Variants in MYO16 observed in about 807,000 individuals in gnomAD.
MYO16 encodes the protein myosin XVI, also known as unconventional myosin-XVI.
MYO16 carries 94 observed loss-of-function variants against 205.3 expected under a neutral mutation model. The ratio of observed to expected loss-of-function variants is 0.46; its 90% CI spans 0.39 to 0.54. The LOEUF (loss-of-function observed/expected upper bound fraction) is 0.54. MYO16 is among the 20% of genes least tolerant of loss of function. MYO16 has a pLI of 0.00. For synonymous variants in MYO16, 988 were observed against 954.0 expected, an observed-to-expected ratio of 1.04 and a Z score of -0.66; for missense variants, 2,315 against 2,387.5, an observed-to-expected ratio of 0.97 and a Z score of 0.63.
chr13:108,817,173 C>T (rs1875666802), intron 7 of MYO16, among the ~76,000 whole-genome samples: 1 of 152,078 alleles, frequency 6.6e-6, no homozygotes, highest in Admixed American at 6.6e-5. Context: ...CCAGATTACC[C>T]AGAATTCTAT....
Position 108,820,368 on chromosome 13 carries a change from A to G in MYO16, c.899A>G (p.Gln300Arg). The G allele has an allele frequency of 6.2e-7, 1 of 1,606,378 alleles. No homozygotes were observed. Among genetic ancestry groups the G allele is most frequent in the Non-Finnish European group, 8.5e-7 (1 of 1,176,114 alleles). The change falls in exon 8 of 35, where the codon CAG (glutamine) becomes CGG (arginine). Residue 300 changes from glutamine to arginine, a missense_variant. Around this residue, in one of 3 missense-constraint regions of MYO16, gnomAD observed 1,213 missense variants for 1,274.4 expected, o/e 0.95. Coordinates refer to ENST00000457511, the MANE Select transcript of MYO16 (RefSeq NM_001198950.3). The stretch of plus-strand genomic sequence containing the variant: ...CTGGTGAAACTTCTCCTGATGCATC[A>G]GGCAAACCCACACCTCGTGAACTGT... ...TNLVKLLLMH[Q>R]ANPHLVNCNE...
intron 3 of MYO16, among the ~76,000 whole-genome samples, chr13:108,722,508 C>G (rs548808999): frequency 1.3e-5 from 2 of 152,152 alleles, no homozygotes; most frequent in Non-Finnish European, 2.9e-5. Context: ...GGGCTGATAT[C>G]ACTTTCAACA....
At chr13:109,002,261 A>G (rs548580012) in intron 21 of MYO16, among the ~76,000 whole-genome samples, 2 of 152,186 alleles carry the variant, frequency 1.3e-5, no homozygotes, top group South Asian at 4.2e-4. Flanking sequence ...TTAATCTCCT[A>G]CTTTAATTCT....
chr13:109,032,463 G>A (rs192696641), intron 23 of MYO16, among the ~76,000 whole-genome samples: 71 of 152,310 alleles, frequency 4.7e-4, no homozygotes, highest in Non-Finnish European at 8.8e-4. Flanking sequence ...GTGAGACAAG[G>A]CAAAGGTGTA....
intron 2 of MYO16, among the ~76,000 whole-genome samples, chr13:108,681,906 T>G (rs144871202): frequency 6.6e-6 from 1 of 152,222 alleles, no homozygotes; most frequent in African/African-American, 2.4e-5. Flanking sequence ...TTTCTCTATG[T>G]TATACTCCAT....
chr13:108,523,954 G>T, the MYO16 span, among the ~76,000 whole-genome samples: 1 of 152,166 alleles, frequency 6.6e-6, no homozygotes, highest in Non-Finnish European at 1.5e-5. Context: ...CATCCTTTTG[G>T]TGCTGTCCTC....
intron 7 of MYO16, among the ~76,000 whole-genome samples, chr13:108,808,801 C>T (rs1887196961): frequency 1.3e-5 from 2 of 152,010 alleles, no homozygotes; most frequent in South Asian, 2.1e-4. Context: ...ATTAAAAAAA[C>T]CCTTTAATGA....
At chr13:108,913,637 C>A (rs1201266996) in intron 16 of MYO16, among the ~76,000 whole-genome samples, 1 of 152,114 alleles carries the variant, frequency 6.6e-6, no homozygotes, top group Non-Finnish European at 1.5e-5. Flanking sequence ...AATTGGTACC[C>A]ATAGGTAAAG....
chr13:108,653,402 T>C (rs1279091665), intron 1 of MYO16, among the ~76,000 whole-genome samples: 1 of 152,136 alleles, frequency 6.6e-6, no homozygotes, highest in Non-Finnish European at 1.5e-5. Flanking sequence ...GTAGTCTCAT[T>C]CGTCTATTTT....
chr13:108,880,995 G>T lies in MYO16; in HGVS notation c.1426-2064G>T, dbSNP rs578235101. Reference sequence around the variant, plus strand: ...GAGAACGGACAGACTGACTCCCCAAGTGGGTCCCTGACCCCTGAGTAGCCT... The same window carrying T: ...GAGAACGGACAGACTGACTCCCCAATTGGGTCCCTGACCCCTGAGTAGCCT... On this transcript the variant is annotated intron_variant, in intron 12 of 34. Coordinates refer to ENST00000457511, the MANE Select transcript of MYO16 (RefSeq NM_001198950.3). Among the ~76,000 whole-genome samples, 100 of 152,330 alleles carry T rather than the reference G, an allele frequency of 6.6e-4. 1 individual carries two copies. In the South Asian group the frequency reaches 0.02, roughly 31 times the overall value.
At chr13:109,040,167 A>T (rs1347687186) in intron 23 of MYO16, among the ~76,000 whole-genome samples, 1 of 152,132 alleles carries the variant, frequency 6.6e-6, no homozygotes, top group Non-Finnish European at 1.5e-5. Context: ...CTTTTAAGAA[A>T]TGAATTTGTA....
At chr13:108,650,498 G>A (rs12585078) in intron 1 of MYO16, among the ~76,000 whole-genome samples, 25,989 of 152,126 alleles carry the variant, frequency 0.17, 2,789 homozygotes, top group Non-Finnish European at 0.24. Flanking sequence ...TCTTCCAACC[G>A]GAATTGAAGA....
chr13:108,652,587 A>G (rs922151442), intron 1 of MYO16, among the ~76,000 whole-genome samples: 1 of 152,182 alleles, frequency 6.6e-6, no homozygotes, highest in African/African-American at 2.4e-5. Context: ...CCTGGCAACC[A>G]TCATTCTACT....
intron 9 of MYO16, among the ~76,000 whole-genome samples, chr13:108,837,420 C>T (rs78630134): frequency 0.015 from 2,311 of 152,078 alleles, 99 homozygotes; most frequent in East Asian, 0.1. Context: ...TATTTATTTG[C>T]GATTATTGTT....
At position 108,992,384 on chromosome 13, in the gene MYO16, C is replaced by T. The variant is rs752707576; in HGVS notation, c.2378C>T (p.Thr793Ile). Residue 793 changes from threonine (T) to isoleucine (I), a missense_variant, in exon 21 of 35, where the codon ACA becomes ATA. Thr to Ile is a moderately conservative substitution (Grantham distance 89). This residue lies in a region of MYO16 where 1,213 missense variants were observed against 1,274.4 expected (regional missense o/e 0.95). Coordinates refer to ENST00000457511, the MANE Select transcript of MYO16 (RefSeq NM_001198950.3). ...HSQDEQKSMQTLDIGILDIFG... is the reference protein window; with the variant it reads ...HSQDEQKSMQILDIGILDIFG... ...GTATTGTTTTGTTTCAGCATGCAGACATTGGATATTGGAATATTGGACATT... is the reference window on the plus strand; with the variant it reads ...GTATTGTTTTGTTTCAGCATGCAGATATTGGATATTGGAATATTGGACATT... The T allele has an allele frequency of 1.2e-6, 2 of 1,608,390 alleles. No homozygotes were observed. The highest frequency in any genetic ancestry group is 2.7e-5 in the African/African-American group (2 of 74,638).
At chr13:108,890,186 C>A (rs1198799771) in intron 14 of MYO16, among the ~76,000 whole-genome samples, 3 of 143,558 alleles carry the variant, frequency 2.1e-5, no homozygotes, top group Non-Finnish European at 4.5e-5. Flanking sequence ...TCAAGTGATC[C>A]ACCTGCCTCA....
chr13:108,851,615 G>T (rs1877869844), intron 10 of MYO16, among the ~76,000 whole-genome samples: 1 of 152,170 alleles, frequency 6.6e-6, no homozygotes, highest in Non-Finnish European at 1.5e-5. Context: ...ATCAATTCTA[G>T]TTAGGAAATC....
At position 108,826,437 on chromosome 13, in the gene MYO16, C is replaced by G. The variant is rs77516754; in HGVS notation, c.1097+3159C>G. Among the ~76,000 whole-genome samples, 852 of 152,076 alleles carry G rather than the reference C, an allele frequency of 5.6e-3. 3 individuals are homozygous for G. Among genetic ancestry groups the G allele is most frequent in the African/African-American group, 0.019 (806 of 41,482 alleles). On this transcript the variant is annotated intron_variant, in intron 9 of 34. Transcript: ENST00000457511. ...AAATTAACTCAAAATGGATCATTGA[C>G]CTAATGTAAGAGCTAAAACTATAAA... is the stretch of plus-strand genomic sequence containing the variant.
chr13:109,034,260 G>A (rs935832061), intron 23 of MYO16, among the ~76,000 whole-genome samples: 1 of 152,138 alleles, frequency 6.6e-6, no homozygotes, highest in Non-Finnish European at 1.5e-5. Flanking sequence ...TATATGATAT[G>A]CTTAGGCTTT....
Sources: gnomAD v4.1 joint callset for allele counts (sites outside exome capture counted in the v4.1 genomes callset) on GRCh38, gnomAD v4.1.1 for gene constraint, gnomAD v4.1.1 regional missense constraint, MANE v1.5 for transcripts, NCBI Gene and HGNC (gene_info 2026-07-23, HGNC 2026-07-21) for gene names.